Variants in CLMN observed in about 807,000 individuals in gnomAD.
CLMN encodes calmin (calponin-like, transmembrane).
A neutral mutation model predicts 92.7 loss-of-function variants in CLMN; 57 were observed. That is an observed-to-expected ratio of 0.61 (90% CI 0.50 to 0.77). CLMN has a LOEUF of 0.77. Among genes scored for constraint, CLMN ranks in the 30% least tolerant of loss-of-function variants. The pLI, the probability that CLMN is intolerant of heterozygous loss-of-function variation, is 0.00. For missense variants in CLMN, 1,158 were observed against 1,237.5 expected (o/e 0.94, Z 0.96); for synonymous variants, 466 against 470.6 (o/e 0.99, Z 0.13).
chr14:95,252,571 T>C (rs1898832502), intron 1 of CLMN, among the ~76,000 whole-genome samples: 1 of 152,176 alleles, frequency 6.6e-6, no homozygotes, highest in African/African-American at 2.4e-5. Context: ...GAGTTCTGAC[T>C]ACGAAGGACC....
intron 1 of CLMN, among the ~76,000 whole-genome samples, chr14:95,264,007 A>ACTTT (rs1344146396): frequency 2.2e-5 from 3 of 139,174 alleles, no homozygotes; most frequent in African/African-American, 5.3e-5. Context: ...GCACCTTATT[A>ACTTT]CTTTATTTAT....
In CLMN at chr14:95,294,901, C is replaced by T. The variant is rs974371215; in HGVS notation, c.82+24810G>A. Reference sequence around the variant, plus strand: ...TTTGGCCAGGGCTGCATTCTTCCACCTGGGCCCCCAGCTCCAGCCAGAGTG... The same window carrying T: ...TTTGGCCAGGGCTGCATTCTTCCACTTGGGCCCCCAGCTCCAGCCAGAGTG... On this transcript the variant is annotated intron_variant, in intron 1 of 12. Coordinates refer to ENST00000298912, the MANE Select transcript of CLMN (RefSeq NM_024734.4). The surrounding 1 kb of genome is among the most constrained non-coding windows in gnomAD (Gnocchi z 4.2). 2.0e-5 allele frequency among the ~76,000 whole-genome samples: 3 copies of T among 152,246 alleles called. No homozygotes were observed. The South Asian group carries it at 6.2e-4, about 32-fold the overall frequency.
At chr14:95,291,814 G>A (rs1352084719) in intron 1 of CLMN, among the ~76,000 whole-genome samples, 1 of 152,220 alleles carries the variant, frequency 6.6e-6, no homozygotes, top group Non-Finnish European at 1.5e-5. Flanking sequence ...GCCAACAGCA[G>A]TTAAGTCAGC....
At chr14:95,318,671 G>A (rs185176534) in intron 1 of CLMN, among the ~76,000 whole-genome samples, 56 of 152,152 alleles carry the variant, frequency 3.7e-4, no homozygotes, top group African/African-American at 1.3e-3. Flanking sequence ...TCCTAACCTT[G>A]AACCCTCTAG....
chr14:95,244,755 G>A (rs1269091665), intron 1 of CLMN, among the ~76,000 whole-genome samples: 1 of 152,062 alleles, frequency 6.6e-6, no homozygotes, highest in Non-Finnish European at 1.5e-5. Flanking sequence ...TGCAGGAGAT[G>A]AGAACACACT....
In CLMN at chr14:95,204,304, T is replaced by C. The variant is rs1239248680; in HGVS notation, c.1045A>G (p.Lys349Glu). ...TCGGGCTTGTCACAGACAAAGACTT[T>C]GGAGGGTGGTGGGTGGCTGGTTTCA... Reference protein sequence around the residue: ...NHETSHPPPSKVFVCDKPESM... With the variant: ...NHETSHPPPSEVFVCDKPESM... Residue 349 changes from lysine to glutamate, a missense_variant, in exon 9 of 13, where the codon AAA (lysine) becomes GAA (glutamate). By Grantham distance (56) the Lys-to-Glu change is moderately conservative. Coordinates refer to ENST00000298912, the MANE Select transcript of CLMN (RefSeq NM_024734.4). The C allele has an allele frequency of 6.2e-7, 1 of 1,614,068 alleles. No individual in the cohort carries two copies.
intron 1 of CLMN, among the ~76,000 whole-genome samples, chr14:95,242,879 T>C (rs985441837): frequency 6.6e-5 from 10 of 152,368 alleles, no homozygotes; most frequent in South Asian, 2.1e-4. Context: ...GCATCTCTAT[T>C]TTTAATGTAC....
At chr14:95,307,669 G>GT (rs1326050375) in intron 1 of CLMN, 3 of 152,262 alleles carry the variant, frequency 2.0e-5, no homozygotes, top group African/African-American at 4.8e-5. Flanking sequence ...GAATCGGGAG[G>GT]TAACACGTTT....
intron 1 of CLMN, among the ~76,000 whole-genome samples, chr14:95,238,158 A>G (rs984312600): frequency 1.3e-5 from 2 of 152,050 alleles, no homozygotes; most frequent in Non-Finnish European, 2.9e-5. Flanking sequence ...CCCACGGCCC[A>G]CTGCCACTCC....
At chr14:95,241,222 A>C (rs1313239604) in intron 1 of CLMN, among the ~76,000 whole-genome samples, 2 of 152,042 alleles carry the variant, frequency 1.3e-5, no homozygotes, top group Non-Finnish European at 2.9e-5. Context: ...CAGCTGGGAG[A>C]TGATCTAGTA....
At chr14:95,201,786 G>A (rs1896891396) in intron 9 of CLMN, among the ~76,000 whole-genome samples, 1 of 150,924 alleles carries the variant, frequency 6.6e-6, no homozygotes, top group South Asian at 2.1e-4. Context: ...GTGTCCATGT[G>A]TTCTCATTGT....
chr14:95,235,702 C>CT (rs1898029892), intron 1 of CLMN, among the ~76,000 whole-genome samples: 1 of 152,156 alleles, frequency 6.6e-6, no homozygotes, highest in Non-Finnish European at 1.5e-5. Flanking sequence ...GGTGTTTTGC[C>CT]TAGGTGGACA....
intron 1 of CLMN, among the ~76,000 whole-genome samples, chr14:95,277,347 C>T (rs1274192371): frequency 2.6e-5 from 4 of 152,174 alleles, no homozygotes; most frequent in Admixed American, 6.5e-5. Context: ...TGCTGCAGGT[C>T]CCTGAAACAA....
chr14:95,198,010 C>A (rs1258330983), intron 9 of CLMN, among the ~76,000 whole-genome samples: 1 of 150,290 alleles, frequency 6.7e-6, no homozygotes, highest in Non-Finnish European at 1.5e-5. Context: ...ATTTTCTAGT[C>A]CCTTTGGCTG....
At chr14:95,227,469 GC>G (rs1897746694) in intron 2 of CLMN, among the ~76,000 whole-genome samples, 1 of 152,164 alleles carries the variant, frequency 6.6e-6, no homozygotes, top group Admixed American at 6.5e-5. Context: ...TCCTGTTAAT[GC>G]GAGGCAGAAA....
intron 1 of CLMN, among the ~76,000 whole-genome samples, chr14:95,251,926 T>G (rs1197423283): frequency 6.6e-6 from 1 of 152,194 alleles, no homozygotes. Context: ...GGTCTCTTTA[T>G]GCAGAGATGA....
intron 1 of CLMN, among the ~76,000 whole-genome samples, chr14:95,252,404 C>T (rs931556345): frequency 3.9e-5 from 6 of 152,170 alleles, no homozygotes; most frequent in Non-Finnish European, 8.8e-5. Flanking sequence ...TGACACGTGG[C>T]AGTGAACAAA....
Position 95,269,939 on chromosome 14 carries a change from T to C in CLMN, c.83-39806A>G, listed in dbSNP as rs190551080. 3.1e-3 allele frequency among the ~76,000 whole-genome samples: 463 copies of C among 151,038 alleles called. 6 individuals carry two copies. Among genetic ancestry groups the C allele is most frequent in the African/African-American group, 0.011 (430 of 40,374 alleles). On this transcript the variant is annotated intron_variant, in intron 1 of 12. Coordinates refer to ENST00000298912, the MANE Select transcript of CLMN (RefSeq NM_024734.4). ...CTGCATGCCCCTGCAGTGGACTTCA[T>C]GAGAGAGAAAATTAACTTCTACTAT...
At position 95,196,524 on chromosome 14, in the gene CLMN, GTCT is replaced by G. The variant is rs1415417324; in HGVS notation, c.2679_2681del (p.Glu893del). ...TGGAAGGAATGCTGTAGTCGCTACT[GTCT>G]TCTTCTAGGTCATCTGAGGATTGAA... On this transcript the variant is annotated inframe_deletion, in exon 10 of 13. Transcript: ENST00000298912. 11 of 1,613,276 alleles carry G rather than the reference GTCT, an allele frequency of 6.8e-6. No homozygotes were observed. The highest frequency in any genetic ancestry group is 8.5e-6 in the Non-Finnish European group (10 of 1,179,834).
Sources: gnomAD v4.1 joint callset for allele counts (sites outside exome capture counted in the v4.1 genomes callset) on GRCh38, gnomAD v4.1.1 for gene constraint, Gnocchi (gnomAD v3.1) non-coding constraint, MANE v1.5 for transcripts, NCBI Gene and HGNC (gene_info 2026-07-23, HGNC 2026-07-21) for gene names.